The following SIRPB1 variants were observed in gnomAD, a reference collection of about 807,000 sequenced individuals.
SIRPB1 encodes the protein signal regulatory protein beta 1.
A neutral mutation model predicts 34.1 loss-of-function variants in SIRPB1; 28 were observed. The observed-to-expected ratio is 0.82, with a 90% CI of 0.61 to 1.12. SIRPB1 has a LOEUF of 1.12. Among genes scored for constraint, SIRPB1 ranks in the 50% most tolerant of loss-of-function variants. The probability of loss-of-function intolerance (pLI) is 0.00; values close to 1 mark genes in which losing one functional copy is unlikely to be tolerated. For synonymous variants in SIRPB1, 211 were observed against 203.8 expected, an observed-to-expected ratio of 1.04 and a Z score of -0.30; for missense variants, 499 against 507.0, an observed-to-expected ratio of 0.98 and a Z score of 0.15.
chr20:1,598,965 G>A, intron 1 of SIRPB1: 1 of 395,296 alleles, frequency 2.5e-6, no homozygotes, highest in South Asian at 4.1e-5. Flanking sequence ...GAGAAGTTAG[G>A]AAGGGGCTAC....
chr20:1,595,711 A>G lies in SIRPB1; in HGVS notation c.77-17017T>C, dbSNP rs2091456397. The stretch of plus-strand genomic sequence containing the variant: ...TCCTAATTTGAGAGTTCAGACCTAT[A>G]GGGTTCTGTAGCCAAGGATTGAGCT... On this transcript the variant is annotated intron_variant, in intron 1 of 5. Coordinates refer to ENST00000381605, the MANE Select transcript of SIRPB1 (RefSeq NM_006065.5). 4.1e-5 allele frequency among the ~76,000 whole-genome samples: 2 copies of G among 48,636 alleles called. 1 individual carries two copies. The highest frequency in any genetic ancestry group is 2.7e-4 in the African/African-American group (2 of 7,354). 31.9% of individuals were successfully genotyped at this position (48,636 alleles called of 152,430 possible). A position where few individuals can be genotyped will look rare whatever the true frequency, so the allele number is the denominator to read the frequency against.
chr20:1,618,689 G>C (rs1379148401), intron 1 of SIRPB1, among the ~76,000 whole-genome samples: 1 of 152,226 alleles, frequency 6.6e-6, no homozygotes, highest in Non-Finnish European at 1.5e-5. Flanking sequence ...GCTGTGCCCA[G>C]CCCTGTGGTT....
chr20:1,587,401 C>T lies in SIRPB1; in HGVS notation c.77-8707G>A, dbSNP rs2091427740. 4.1e-5 allele frequency among the ~76,000 whole-genome samples: 2 copies of T among 49,110 alleles called. 1 individual carries two copies. Among genetic ancestry groups the T allele is most frequent in the Non-Finnish European group, 7.8e-5 (2 of 25,480 alleles). 32.2% of individuals were successfully genotyped at this position (49,110 alleles called of 152,430 possible). ...CAGGGCCCAGTGGGGAGCTGAGAGG[C>T]TGCTGTGCCCAGCGCTGTGACCCTG... On this transcript the variant is annotated intron_variant, in intron 1 of 5. Transcript: ENST00000381605.
intron 4 of SIRPB1, among the ~76,000 whole-genome samples, chr20:1,568,208 G>GC (rs1482079681): frequency 3.9e-5 from 6 of 152,120 alleles, no homozygotes; most frequent in African/African-American, 1.4e-4. Flanking sequence ...CACAATCCAG[G>GC]CCCTAAATAT....
intron 4 of SIRPB1, among the ~76,000 whole-genome samples, chr20:1,567,089 A>T (rs897037371): frequency 6.7e-6 from 1 of 148,426 alleles, no homozygotes; most frequent in Non-Finnish European, 1.5e-5. Flanking sequence ...CAAAGGTATT[A>T]AAAAAAATTT....
chr20:1,614,508 T>C (rs1243453910), intron 1 of SIRPB1, among the ~76,000 whole-genome samples: 4 of 151,988 alleles, frequency 2.6e-5, no homozygotes, highest in Non-Finnish European at 5.9e-5. Context: ...TTTTTGCTTG[T>C]GTCCTCCACC....
intron 1 of SIRPB1, among the ~76,000 whole-genome samples, chr20:1,619,657 G>C (rs1474692587): frequency 6.6e-6 from 1 of 152,192 alleles, no homozygotes; most frequent in Non-Finnish European, 1.5e-5. Context: ...TGTTGTTGTG[G>C]TGGTTGAATC....
rs1243772544 is a variant in SIRPB1 at position 1,584,718 on chromosome 20, A to C, written c.77-6024T>G. Among the ~76,000 whole-genome samples, 3 of 49,674 alleles carry C rather than the reference A, an allele frequency of 6.0e-5. 1 individual carries two copies. The highest frequency in any genetic ancestry group is 1.2e-4 in the Non-Finnish European group (3 of 25,606). 32.6% of individuals were successfully genotyped at this position (49,674 alleles called of 152,430 possible). A position where few individuals can be genotyped will look rare whatever the true frequency, so the allele number is the denominator to read the frequency against. ...CTACAGATTCAATTCAATGTCAGTA[A>C]AATTTCAATGAAATTCCACAGAAAT... On this transcript the variant is annotated intron_variant, in intron 1 of 5. Coordinates refer to ENST00000381605, the MANE Select transcript of SIRPB1 (RefSeq NM_006065.5).
rs761165776 is a variant in SIRPB1, at chr20:1,611,623, A to G, written c.76+8246T>C. 22 of 1,275,284 alleles carry G rather than the reference A, an allele frequency of 1.7e-5. 5 individuals carry two copies. Among genetic ancestry groups the G allele is most frequent in the African/African-American group, 5.7e-5 (2 of 34,998 alleles). The allele number at this position is 1,275,284 out of a possible 1,614,324, so 79.0% of individuals were successfully genotyped here. A position where few individuals can be genotyped will look rare whatever the true frequency, so the allele number is the denominator to read the frequency against. On this transcript the variant is annotated intron_variant, in intron 1 of 5. Transcript: ENST00000381605. ...GGGCCCCACAGGGATCAGGGAAGTC[A>G]CAGTGCAGTGCAGAGTGGCCGACTC...
intron 5 of SIRPB1, 45 bp downstream of exon 5, chr20:1,566,108 C>T: frequency 2.2e-6 from 3 of 1,343,408 alleles, no homozygotes; most frequent in Non-Finnish European, 3.1e-6. Context: ...CTGGCCTTGC[C>T]TTTCTGGAGG....
rs553050587 is a variant in SIRPB1, at chr20:1,576,774, C to A, written c.433+1564G>T. Among the ~76,000 whole-genome samples, 28 of 148,334 alleles carry A rather than the reference C, an allele frequency of 1.9e-4. 1 individual carries two copies. The highest frequency in any genetic ancestry group is 1.3e-3 in the Admixed American group (19 of 14,988). On this transcript the variant is annotated intron_variant, in intron 2 of 5. Coordinates refer to ENST00000381605, the MANE Select transcript of SIRPB1 (RefSeq NM_006065.5). ...ACAAAATTAGCCAGGCATGGTAGCT[C>A]AAGTCTGTAATCTCTGATTGCTACA...
At position 1,565,053 on chromosome 20, in the gene SIRPB1, T is replaced by A. The variant is rs934314008; in HGVS notation, c.*447A>T. On this transcript the variant is annotated 3_prime_UTR_variant, in exon 6 of 6. Transcript: ENST00000381605. Reference sequence around the variant, plus strand: ...CTTGGACAAAGAGGAAAGAGAATCATTTTTTTCTTAAAATTGGTATAGGGG... The same window carrying A: ...CTTGGACAAAGAGGAAAGAGAATCAATTTTTTCTTAAAATTGGTATAGGGG... 2.5e-6 allele frequency: 1 copy of A among 398,380 alleles called. No homozygotes were observed. The highest frequency in any genetic ancestry group is 4.4e-6 in the Non-Finnish European group (1 of 226,054). The allele number at this position is 398,380 out of a possible 1,614,324, so 24.7% of individuals were successfully genotyped here.
chr20:1,619,866 C>CCTTCTGGGG lies in SIRPB1; in HGVS notation c.76+2_76+3insCCCCAGAAG. 1 of 1,608,976 alleles carries CCTTCTGGGG rather than the reference C, an allele frequency of 6.2e-7. No homozygotes were observed. The highest frequency in any genetic ancestry group is 1.1e-5 in the South Asian group (1 of 90,938). ...AAAGATTTTAACCGAAGGCAGTGCTCACCTGTGAGTCTCCCCAGCAGTAGC... is the reference window on the plus strand; with the variant it reads ...AAAGATTTTAACCGAAGGCAGTGCTCCTTCTGGGGACCTGTGAGTCTCCCCAGCAGTAGC... On this transcript the variant is annotated splice_region_variant and intron_variant, in intron 1 of 5. Coordinates refer to ENST00000381605, the MANE Select transcript of SIRPB1 (RefSeq NM_006065.5).
rs759714709 is a variant in SIRPB1, at chr20:1,578,328, C to T, written c.433+10G>A. 2 of 1,581,840 alleles carry T rather than the reference C, an allele frequency of 1.3e-6. No individual in the cohort carries two copies. Among genetic ancestry groups the T allele is most frequent in the South Asian group, 2.2e-5 (2 of 90,468 alleles). Reference sequence around the variant, plus strand: ...CACCAGGGGACAAAGGAGGCCCACGCTGTACTCACCGCGCACAGACAGCTC... The same window carrying T: ...CACCAGGGGACAAAGGAGGCCCACGTTGTACTCACCGCGCACAGACAGCTC... On this transcript the variant is annotated intron_variant, in intron 2 of 5. Transcript: ENST00000381605.
chr20:1,592,165 TTTTGTTTG>T lies in SIRPB1; in HGVS notation c.77-13479_77-13472del, dbSNP rs1169489803. 1.7e-4 allele frequency among the ~76,000 whole-genome samples: 8 copies of T among 47,868 alleles called. 4 individuals carry two copies. Among genetic ancestry groups the T allele is most frequent in the South Asian group, 1.6e-3 (2 of 1,276 alleles). The allele number at this position is 47,868 out of a possible 152,430, so 31.4% of individuals were successfully genotyped here. A position where few individuals can be genotyped will look rare whatever the true frequency, so the allele number is the denominator to read the frequency against. ...TTATAAATTACCCAGTCTCAGGCAG[TTTTGTTTG>T]TTTGTTTGTTTGTTTGTTTGTTTTT... On this transcript the variant is annotated intron_variant, in intron 1 of 5. Coordinates refer to ENST00000381605, the MANE Select transcript of SIRPB1 (RefSeq NM_006065.5).
chr20:1,614,908 T>C (rs1336368494), intron 1 of SIRPB1, among the ~76,000 whole-genome samples: 1 of 152,162 alleles, frequency 6.6e-6, no homozygotes, highest in Non-Finnish European at 1.5e-5. Context: ...AGCTTTGTGT[T>C]GCCTTTTGGA....
chr20:1,571,919 G>C lies in SIRPB1; in HGVS notation c.552C>G (p.Phe184Leu). 1 of 1,614,158 alleles carries C rather than the reference G, an allele frequency of 6.2e-7. No individual in the cohort carries two copies. The highest frequency in any genetic ancestry group is 1.7e-5 in the Admixed American group (1 of 60,020). ...AGTCTGAGAGCTCATTCCCATTTTT[G>C]AACCATTTCAGGGTGATGTCTCTGG... ...FSPRDITLKW[F>L]KNGNELSDFQ... is the part of the protein sequence containing the mutation. The change falls in exon 3 of 6, where the codon TTC becomes TTG. Residue 184 changes from phenylalanine (F) to leucine (L), a missense_variant. Coordinates refer to ENST00000381605, the MANE Select transcript of SIRPB1 (RefSeq NM_006065.5).
chr20:1,566,569 C>A (rs934800885), intron 4 of SIRPB1, among the ~76,000 whole-genome samples: 3 of 152,154 alleles, frequency 2.0e-5, no homozygotes, highest in African/African-American at 7.2e-5. Context: ...CCTCACACGC[C>A]CATGGGGCAG....
Position 1,611,385 on chromosome 20 carries a change from A to G in SIRPB1, c.76+8484T>C, listed in dbSNP as rs1568705315. ...GCACAGACAGCTCGGTGCCTGCTCC[A>G]GACTTAAACTCCACGTGGTCGGGGC... is the stretch of plus-strand genomic sequence containing the variant. On this transcript the variant is annotated intron_variant, in intron 1 of 5. Coordinates refer to ENST00000381605, the MANE Select transcript of SIRPB1 (RefSeq NM_006065.5). 5 of 926,862 alleles carry G rather than the reference A, an allele frequency of 5.4e-6. 1 individual carries two copies. The highest frequency in any genetic ancestry group is 7.2e-6 in the Non-Finnish European group (5 of 698,546). 57.4% of individuals were successfully genotyped at this position (926,862 alleles called of 1,614,324 possible).
Sources: allele counts gnomAD v4.1 joint callset (sites outside exome capture counted in the v4.1 genomes callset), GRCh38; gene constraint gnomAD v4.1.1; transcripts MANE v1.5; gene names NCBI Gene and HGNC (gene_info 2026-07-23, HGNC 2026-07-21).